Variants in KIAA0825 observed in about 807,000 individuals in gnomAD.
KIAA0825 encodes uncharacterized protein KIAA0825.
A neutral mutation model predicts 147.6 loss-of-function variants in KIAA0825; 119 were observed. The observed-to-expected ratio is 0.81, with a 90% CI of 0.69 to 0.94. The LOEUF (loss-of-function observed/expected upper bound fraction) is 0.94. Among genes scored for constraint, KIAA0825 ranks in the 40% least tolerant of loss-of-function variants. KIAA0825 has a pLI of 0.00. For missense variants in KIAA0825, 1,381 were observed against 1,472.7 expected (o/e 0.94, Z 1.02); for synonymous variants, 470 against 518.1 (o/e 0.91, Z 1.26).
intron 17 of KIAA0825, among the ~76,000 whole-genome samples, chr5:94,393,282 G>A (rs1227573541): frequency 3.3e-5 from 5 of 152,116 alleles, no homozygotes; most frequent in Non-Finnish European, 5.9e-5. Context: ...GCCAAGTCAG[G>A]GTCACCATGA....
chr5:94,298,741 G>A (rs993259830), intron 20 of KIAA0825, among the ~76,000 whole-genome samples: 3 of 152,124 alleles, frequency 2.0e-5, no homozygotes, highest in African/African-American at 4.8e-5. Flanking sequence ...AGATTCCTTC[G>A]AGTAGTTTAG....
intron 5 of KIAA0825, chr5:94,519,209 C>A (rs1767719120): frequency 9.2e-6 from 8 of 870,630 alleles, no homozygotes; most frequent in Non-Finnish European, 1.1e-5. Context: ...TCATATATCA[C>A]ATTAATTTGG....
In KIAA0825 at chr5:94,462,527, T is replaced by C. The variant is rs1759967010; in HGVS notation, c.2106A>G (p.Leu702=). The change falls in exon 12 of 21, where the codon TTA becomes TTG. Residue 702 remains leucine (L), a synonymous_variant. Coordinates refer to ENST00000682413, the MANE Select transcript of KIAA0825 (RefSeq NM_001145678.3). ...TCTGTACAGATGTACAAACTGACCA[T>C]AACATGTTCTCAGTGCATATCAAAA... ...TTILICTENM[L]WSVCTSVQKL... The C allele has an allele frequency of 1.9e-6, 3 of 1,539,784 alleles. No homozygotes were observed. Among genetic ancestry groups the C allele is most frequent in the Admixed American group, 2.1e-5 (1 of 48,714 alleles).
chr5:94,430,734 T>C (rs1755554257), intron 14 of KIAA0825, among the ~76,000 whole-genome samples: 1 of 152,202 alleles, frequency 6.6e-6, no homozygotes, highest in Non-Finnish European at 1.5e-5. Flanking sequence ...GTTTCTACAG[T>C]CATATTAGAC....
chr5:94,361,516 TAAATA>T, intron 20 of KIAA0825, among the ~76,000 whole-genome samples: 1 of 152,338 alleles, frequency 6.6e-6, no homozygotes, highest in African/African-American at 2.4e-5. Flanking sequence ...GTAAAATTAT[TAAATA>T]AAATGTGTGA....
Position 94,384,424 on chromosome 5 carries a change from C to G in KIAA0825, c.3654G>C (p.Leu1218Phe). 6.4e-7 allele frequency: 1 copy of G among 1,551,896 alleles called. No individual in the cohort carries two copies. The highest frequency in any genetic ancestry group is 8.7e-7 in the Non-Finnish European group (1 of 1,146,932). ...ITKWNWNWAK[L>F]LPNYLRLDKM... The stretch of plus-strand genomic sequence containing the variant: ...TATCCAGTCTCAGATAATTTGGCAG[C>G]AACTTTGCCCAATTCCAGTTCCATT... Residue 1218 changes from leucine to phenylalanine, a missense_variant, in exon 20 of 21, where the codon TTG becomes TTC. Coordinates refer to ENST00000682413, the MANE Select transcript of KIAA0825 (RefSeq NM_001145678.3).
chr5:94,217,891 C>G (rs1325786965), intron 20 of KIAA0825, among the ~76,000 whole-genome samples: 1 of 152,060 alleles, frequency 6.6e-6, no homozygotes, highest in South Asian at 2.1e-4. Context: ...ATGCTGCAAA[C>G]GTCTCAATGT....
At chr5:94,544,037 A>G (rs1362647122) in intron 2 of KIAA0825, among the ~76,000 whole-genome samples, 6 of 152,178 alleles carry the variant, frequency 3.9e-5, no homozygotes, top group Non-Finnish European at 8.8e-5. Context: ...TACTTTCTTA[A>G]TACACTTGCT....
In KIAA0825 at chr5:94,611,498, T is replaced by C. The variant is rs545152246; in HGVS notation, c.-153+7002A>G. On this transcript the variant is annotated intron_variant, in intron 1 of 20. Transcript: ENST00000682413. ...ACTTATGGATCTCTACGTTTACTTA[T>C]TAAAAATGACAAAAAGGTGGTGGGG... 2.0e-4 allele frequency among the ~76,000 whole-genome samples: 30 copies of C among 152,038 alleles called. No homozygotes were observed. In the South Asian group the frequency reaches 6.0e-3, roughly 31 times the overall value.
chr5:94,430,244 G>T (rs1755486279), intron 14 of KIAA0825, among the ~76,000 whole-genome samples: 1 of 152,124 alleles, frequency 6.6e-6, no homozygotes, highest in South Asian at 2.1e-4. Flanking sequence ...AGGCAATTTG[G>T]CACGGCATGT....
intron 20 of KIAA0825, among the ~76,000 whole-genome samples, chr5:94,177,381 T>C (rs1477722919): frequency 6.6e-6 from 1 of 152,094 alleles, no homozygotes; most frequent in Non-Finnish European, 1.5e-5. Flanking sequence ...GTGGGTCTTT[T>C]ATGGGTTCTT....
chr5:94,387,589 G>A (rs1406625123), intron 18 of KIAA0825, among the ~76,000 whole-genome samples: 1 of 152,094 alleles, frequency 6.6e-6, no homozygotes, highest in East Asian at 1.9e-4. Flanking sequence ...CAGCTACTTA[G>A]GAGGCTGAGG....
At chr5:94,602,979 C>A (rs1354573483) in intron 1 of KIAA0825, among the ~76,000 whole-genome samples, 1 of 151,994 alleles carries the variant, frequency 6.6e-6, no homozygotes, top group Non-Finnish European at 1.5e-5. Flanking sequence ...CAGGTGCCTG[C>A]CATTGCGTCA....
chr5:94,311,321 C>A (rs13169869), intron 20 of KIAA0825, among the ~76,000 whole-genome samples: 55,309 of 150,340 alleles, frequency 0.37, 10,391 homozygotes, highest in African/African-American at 0.39. Context: ...AGCAGGGGGA[C>A]GAATCTGTGA....
At chr5:94,342,739 T>C (rs930299662) in intron 20 of KIAA0825, among the ~76,000 whole-genome samples, 9 of 152,250 alleles carry the variant, frequency 5.9e-5, no homozygotes, top group African/African-American at 2.2e-4. Context: ...ATGACCACCA[T>C]GTCAATTTAA....
At chr5:94,404,753 A>G (rs1400496117) in intron 15 of KIAA0825, among the ~76,000 whole-genome samples, 5 of 152,194 alleles carry the variant, frequency 3.3e-5, no homozygotes, top group Admixed American at 1.3e-4. Flanking sequence ...AAATTAACAA[A>G]TGAAAACAAA....
chr5:94,230,522 T>C (rs755000563), intron 20 of KIAA0825, among the ~76,000 whole-genome samples: 1 of 152,212 alleles, frequency 6.6e-6, no homozygotes, highest in Admixed American at 6.5e-5. Context: ...ACTTGTTTTA[T>C]GTTTTTCAAA....
chr5:94,313,636 T>G (rs1419957103), intron 20 of KIAA0825, among the ~76,000 whole-genome samples: 1 of 151,366 alleles, frequency 6.6e-6, no homozygotes, highest in African/African-American at 2.4e-5. Context: ...TTTTTGTATC[T>G]TGGCTCTGTT....
intron 20 of KIAA0825, among the ~76,000 whole-genome samples, chr5:94,303,337 A>T (rs1247578639): frequency 6.6e-6 from 1 of 152,080 alleles, no homozygotes; most frequent in Non-Finnish European, 1.5e-5. Context: ...TTGAAAAAGT[A>T]TTAAAACATA....
Sources: gnomAD v4.1 joint callset for allele counts (sites outside exome capture counted in the v4.1 genomes callset) on GRCh38, gnomAD v4.1.1 for gene constraint, MANE v1.5 for transcripts, NCBI Gene and HGNC (gene_info 2026-07-23, HGNC 2026-07-21) for gene names.